The following SPATA17 variants were observed in gnomAD, a reference collection of about 807,000 sequenced individuals.
SPATA17 encodes the protein spermatogenesis-associated protein 17.
In SPATA17, 53 loss-of-function variants were observed where a neutral mutation model predicts 62.2. That is an observed-to-expected ratio of 0.85 (90% CI 0.68 to 1.07). The LOEUF is 1.07. Among genes scored for constraint, SPATA17 ranks in the 50% least tolerant of loss-of-function variants. The pLI, the probability that SPATA17 is intolerant of heterozygous loss-of-function variation, is 0.00. For missense variants in SPATA17, 466 were observed against 425.5 expected (o/e 1.10, Z -0.84); for synonymous variants, 146 against 146.8 (o/e 0.99, Z 0.04).
At position 217,651,191 on chromosome 1, in the gene SPATA17, T is replaced by G; in HGVS notation, c.240+13T>G. ...ACTAACTGTGCAGGTAAATATAAAA[T>G]GTACATATGTTAGCATTTGAATTGT... On this transcript the variant is annotated intron_variant, in intron 3 of 10. Coordinates refer to ENST00000366933, the MANE Select transcript of SPATA17 (RefSeq NM_138796.4). 6.4e-7 allele frequency: 1 copy of G among 1,566,612 alleles called. No individual in the cohort carries two copies. The highest frequency in any genetic ancestry group is 1.2e-5 in the South Asian group (1 of 86,432).
intron 4 of SPATA17, among the ~76,000 whole-genome samples, chr1:217,672,976 T>C (rs1158688692): frequency 6.6e-6 from 1 of 152,182 alleles, no homozygotes; most frequent in Non-Finnish European, 1.5e-5. Flanking sequence ...TAAATATCCC[T>C]GAATAAATCA....
At position 217,807,101 on chromosome 1, in the gene SPATA17, A is replaced by G. The variant is rs183774669; in HGVS notation, c.1005+5251A>G. 3.5e-3 allele frequency among the ~76,000 whole-genome samples: 530 copies of G among 152,320 alleles called. 2 individuals carry two copies. The highest frequency in any genetic ancestry group is 0.017 in the Middle Eastern group (5 of 294). ...TAAAAAATGAAGTCATGTCCTTTGCAGCAACATGGATGCAGCTGGAGGCCA... is the reference window on the plus strand; with the variant it reads ...TAAAAAATGAAGTCATGTCCTTTGCGGCAACATGGATGCAGCTGGAGGCCA... On this transcript the variant is annotated intron_variant, in intron 9 of 10. Transcript: ENST00000366933.
intron 9 of SPATA17, among the ~76,000 whole-genome samples, chr1:217,808,632 T>A (rs1173606210): frequency 6.6e-6 from 1 of 152,006 alleles, no homozygotes; most frequent in Non-Finnish European, 1.5e-5. Context: ...GGTGGGCAGA[T>A]CCCAAGGTCA....
intron 9 of SPATA17, among the ~76,000 whole-genome samples, chr1:217,822,000 G>T (rs187866090): frequency 6.6e-6 from 1 of 152,190 alleles, no homozygotes; most frequent in Admixed American, 6.6e-5. Flanking sequence ...GCAATCTAAA[G>T]GATAGAGAGA....
chr1:217,768,238 C>T (rs1421736174), intron 6 of SPATA17, among the ~76,000 whole-genome samples: 2 of 151,752 alleles, frequency 1.3e-5, no homozygotes, highest in African/African-American at 2.4e-5. Context: ...AGCAAGGCTC[C>T]GTCTCAAAAA....
At chr1:217,635,407 A>G (rs774247465) in intron 1 of SPATA17, among the ~76,000 whole-genome samples, 10 of 152,166 alleles carry the variant, frequency 6.6e-5, no homozygotes, top group Non-Finnish European at 1.5e-4. Flanking sequence ...TCTTAGGTAG[A>G]TTTAAAAATT....
At chr1:217,789,135 A>G (rs927833678) in intron 8 of SPATA17, among the ~76,000 whole-genome samples, 1 of 152,212 alleles carries the variant, frequency 6.6e-6, no homozygotes, top group African/African-American at 2.4e-5. Flanking sequence ...TTCATTTAAG[A>G]AACTGTATAG....
At chr1:217,771,589 C>T (rs1487036533) in intron 6 of SPATA17, among the ~76,000 whole-genome samples, 1 of 151,960 alleles carries the variant, frequency 6.6e-6, no homozygotes, top group Non-Finnish European at 1.5e-5. Context: ...TGTGGGAGTG[C>T]TGGACTGTTT....
At chr1:217,685,704 C>T (rs1671201039) in intron 5 of SPATA17, among the ~76,000 whole-genome samples, 1 of 151,986 alleles carries the variant, frequency 6.6e-6, no homozygotes, top group African/African-American at 2.4e-5. Context: ...GTTAATTATT[C>T]TTTTGAATTT....
At chr1:217,715,490 A>G (rs1409921710) in intron 5 of SPATA17, among the ~76,000 whole-genome samples, 1 of 152,168 alleles carries the variant, frequency 6.6e-6, no homozygotes, top group East Asian at 1.9e-4. Flanking sequence ...GTCTATTAAA[A>G]TGCATTATCA....
intron 10 of SPATA17, among the ~76,000 whole-genome samples, chr1:217,864,198 G>A (rs1675954966): frequency 2.0e-5 from 3 of 152,326 alleles, no homozygotes; most frequent in Middle Eastern, 6.8e-3. Context: ...TTGAGAGCCA[G>A]AGTATGAAGT....
Position 217,713,081 on chromosome 1 carries a change from C to G in SPATA17, c.396-28894C>G, listed in dbSNP as rs145985572. On this transcript the variant is annotated intron_variant, in intron 5 of 10. Coordinates refer to ENST00000366933, the MANE Select transcript of SPATA17 (RefSeq NM_138796.4). ...TCTTTAAGACTAAACCCACTGGAAA[C>G]CAGCCACGGTGATACAATCTGCAGA... 1.2e-3 allele frequency among the ~76,000 whole-genome samples: 181 copies of G among 152,234 alleles called. 1 individual carries two copies. Among genetic ancestry groups the G allele is most frequent in the African/African-American group, 3.7e-3 (153 of 41,542 alleles).
intron 3 of SPATA17, among the ~76,000 whole-genome samples, chr1:217,663,616 C>G (rs559601183): frequency 8.7e-4 from 132 of 152,088 alleles, no homozygotes; most frequent in Non-Finnish European, 1.4e-3. Flanking sequence ...AACAAAAACT[C>G]AGGCTCATCA....
At chr1:217,672,680 T>C (rs1184013117) in intron 4 of SPATA17, among the ~76,000 whole-genome samples, 1 of 152,196 alleles carries the variant, frequency 6.6e-6, no homozygotes, top group Non-Finnish European at 1.5e-5. Flanking sequence ...TAATATTTAT[T>C]AATATCCTGA....
intron 3 of SPATA17, among the ~76,000 whole-genome samples, chr1:217,658,832 A>G (rs1416428955): frequency 6.6e-6 from 1 of 152,198 alleles, no homozygotes; most frequent in African/African-American, 2.4e-5. Flanking sequence ...TAGTATGCAA[A>G]ATAGACCCAC....
intron 6 of SPATA17, among the ~76,000 whole-genome samples, chr1:217,745,633 T>G (rs1291360102): frequency 6.6e-6 from 1 of 152,112 alleles, no homozygotes; most frequent in African/African-American, 2.4e-5. Flanking sequence ...GAATCTTAAC[T>G]TAAACTTATC....
intron 9 of SPATA17, among the ~76,000 whole-genome samples, chr1:217,859,287 C>A (rs1440865976): frequency 6.8e-6 from 1 of 146,536 alleles, no homozygotes; most frequent in Non-Finnish European, 1.5e-5. Context: ...TCTAAAAATT[C>A]TCCATATATA....
chr1:217,756,948 G>A (rs977403072), intron 6 of SPATA17, among the ~76,000 whole-genome samples: 7 of 152,096 alleles, frequency 4.6e-5, no homozygotes, highest in African/African-American at 1.7e-4. Flanking sequence ...AAATGCCTTC[G>A]ACATCTCATT....
intron 1 of SPATA17, among the ~76,000 whole-genome samples, chr1:217,641,928 T>A (rs1010536020): frequency 3.3e-5 from 5 of 152,230 alleles, no homozygotes; most frequent in African/African-American, 1.2e-4. Context: ...TCTTTAGTTA[T>A]CTTTAATATG....
Sources: gnomAD v4.1 joint callset for allele counts (sites outside exome capture counted in the v4.1 genomes callset) on GRCh38, gnomAD v4.1.1 for gene constraint, MANE v1.5 for transcripts, NCBI Gene and HGNC (gene_info 2026-07-23, HGNC 2026-07-21) for gene names.